Variants in CTNNAL1 observed in about 807,000 individuals in gnomAD.
The protein encoded by CTNNAL1 is alpha-catulin.
Under a neutral mutation model 93.6 loss-of-function variants are expected in CTNNAL1, and 69 were observed. The observed-to-expected ratio is 0.74, with a 90% CI of 0.61 to 0.90. CTNNAL1 has a LOEUF of 0.90. CTNNAL1 is among the 40% of genes least tolerant of loss of function. The pLI is 0.00. For missense variants in CTNNAL1, 836 were observed against 862.0 expected, an observed-to-expected ratio of 0.97 and a Z score of 0.38; for synonymous variants, 286 against 305.4, an observed-to-expected ratio of 0.94 and a Z score of 0.66.
chr9:108,977,825 T>C (rs1831307171), intron 7 of CTNNAL1, among the ~76,000 whole-genome samples: 1 of 152,236 alleles, frequency 6.6e-6, no homozygotes, highest in Non-Finnish European at 1.5e-5. Flanking sequence ...ATGCATAGTC[T>C]ACACTTTCTC....
At chr9:109,003,905 T>C (rs1473815632) in intron 1 of CTNNAL1, among the ~76,000 whole-genome samples, 1 of 152,190 alleles carries the variant, frequency 6.6e-6, no homozygotes, top group Non-Finnish European at 1.5e-5. Flanking sequence ...AGTTCTAAAA[T>C]ATGTCCACAA....
intron 1 of CTNNAL1, among the ~76,000 whole-genome samples, chr9:109,001,188 A>C (rs1179843275): frequency 6.6e-6 from 1 of 151,276 alleles, no homozygotes; most frequent in African/African-American, 2.4e-5. Flanking sequence ...AAAAAAAAAA[A>C]AAAAAGAACT....
chr9:108,954,640 C>T (rs185368429), intron 12 of CTNNAL1, among the ~76,000 whole-genome samples: 2 of 152,254 alleles, frequency 1.3e-5, no homozygotes, highest in African/African-American at 4.8e-5. Flanking sequence ...GCTTAAGGCA[C>T]AAAAACTGTT....
chr9:108,976,816 A>T (rs1233162743), intron 8 of CTNNAL1, 146 bp downstream of exon 8: 1 of 405,596 alleles, frequency 2.5e-6, no homozygotes, highest in Non-Finnish European at 4.4e-6. Context: ...TACGGGCATG[A>T]GCCACCATGC....
intron 4 of CTNNAL1, among the ~76,000 whole-genome samples, chr9:108,985,844 T>G (rs1378781900): frequency 1.3e-5 from 2 of 152,074 alleles, no homozygotes; most frequent in Non-Finnish European, 2.9e-5. Context: ...CCATAGGCTG[T>G]ATGGTGATAA....
Position 108,942,842 on chromosome 9 carries a change from G to T in CTNNAL1, c.2140-8C>A, listed in dbSNP as rs187725035. Reference sequence around the variant, plus strand: ...GTTATTTTCCATCTGAAGCTGGAAAGAGTTAAGACAATTAGTATCTGGTTT... The same window carrying T: ...GTTATTTTCCATCTGAAGCTGGAAATAGTTAAGACAATTAGTATCTGGTTT... On this transcript the variant is annotated splice_polypyrimidine_tract_variant and splice_region_variant and intron_variant, in intron 18 of 18. Coordinates refer to ENST00000325551, the MANE Select transcript of CTNNAL1 (RefSeq NM_003798.4). 1,222 of 1,613,414 alleles carry T rather than the reference G, an allele frequency of 7.6e-4. 2 individuals carry two copies. Among genetic ancestry groups the T allele is most frequent in the Admixed American group, 1.3e-3 (77 of 59,960 alleles).
At position 108,943,663 on chromosome 9, in the gene CTNNAL1, AAAGATAGATG is replaced by A. The variant is rs1830312554; in HGVS notation, c.2055+30_2055+39del. ...GAAGAAAAAGGGGCTTTAACCAGAT[AAAGATAGATG>A]TGTGAAAGTTTTTCATATGTCTCTT... On this transcript the variant is annotated intron_variant, in intron 17 of 18. Transcript: ENST00000325551. 10 of 1,546,472 alleles carry A rather than the reference AAAGATAGATG, an allele frequency of 6.5e-6. No individual in the cohort carries two copies. In the East Asian group the frequency reaches 2.0e-4, roughly 31 times the overall value.
At position 108,952,354 on chromosome 9, in the gene CTNNAL1, T is replaced by C; in HGVS notation, c.1690A>G (p.Lys564Glu). Residue 564 changes from lysine (K) to glutamate (E), a missense_variant, in exon 14 of 19, where the codon AAG (lysine) becomes GAG (glutamate). By Grantham distance (56) the Lys-to-Glu change is moderately conservative. Coordinates refer to ENST00000325551, the MANE Select transcript of CTNNAL1 (RefSeq NM_003798.4). ...PDKPDSEEQA[K>E]IAKLGLKLGL... The stretch of plus-strand genomic sequence containing the variant: ...AGCTTAAGTCCAAGCTTTGCTATCT[T>C]GGCTTGCTCCTATGAAACAGACGTT... 1 of 1,614,182 alleles carries C rather than the reference T, an allele frequency of 6.2e-7. No individual in the cohort carries two copies. The highest frequency in any genetic ancestry group is 8.5e-7 in the Non-Finnish European group (1 of 1,180,022).
intron 1 of CTNNAL1, 128 bp downstream of exon 1, chr9:109,013,174 C>T: frequency 4.1e-6 from 5 of 1,214,930 alleles, no homozygotes; most frequent in Non-Finnish European, 4.3e-6. Flanking sequence ...GGCGGTCCGA[C>T]AAGAACGCCG....
At chr9:108,962,801 T>G (rs1194965587) in intron 11 of CTNNAL1, among the ~76,000 whole-genome samples, 1 of 152,232 alleles carries the variant, frequency 6.6e-6, no homozygotes, top group Non-Finnish European at 1.5e-5. Context: ...TGAATTAACT[T>G]ATTTTATTTA....
At chr9:109,004,514 G>A (rs1222523935) in intron 1 of CTNNAL1, among the ~76,000 whole-genome samples, 8 of 152,232 alleles carry the variant, frequency 5.3e-5, no homozygotes, top group South Asian at 4.1e-4. Flanking sequence ...TTGGCTGGGC[G>A]CAGTGGCTCA....
intron 12 of CTNNAL1, among the ~76,000 whole-genome samples, chr9:108,955,230 C>T (rs1257389640): frequency 6.6e-6 from 1 of 152,154 alleles, no homozygotes; most frequent in Non-Finnish European, 1.5e-5. Flanking sequence ...AGGTAATCCA[C>T]CCACCTCGGC....
intron 8 of CTNNAL1, among the ~76,000 whole-genome samples, chr9:108,974,450 AT>A (rs926662792): frequency 6.6e-6 from 1 of 152,154 alleles, no homozygotes; most frequent in African/African-American, 2.4e-5. Context: ...GTTTAACAGG[AT>A]GTTTAAATGG....
intron 1 of CTNNAL1, among the ~76,000 whole-genome samples, chr9:109,003,251 T>C (rs546706751): frequency 8.5e-5 from 13 of 152,304 alleles, no homozygotes; most frequent in African/African-American, 3.1e-4. Flanking sequence ...AGAGCATATA[T>C]CAAAGAGACT....
intron 1 of CTNNAL1, among the ~76,000 whole-genome samples, chr9:109,008,277 C>T (rs1398977592): frequency 6.6e-6 from 1 of 151,670 alleles, no homozygotes; most frequent in Admixed American, 6.6e-5. Flanking sequence ...TCTGCCCCAG[C>T]CTCCCAAGTA....
chr9:108,984,350 T>C lies in CTNNAL1; in HGVS notation c.726A>G (p.Ser242=), dbSNP rs779509800. Residue 242 remains serine (S), a synonymous_variant, in exon 5 of 19, where the codon TCA becomes TCG. Coordinates refer to ENST00000325551, the MANE Select transcript of CTNNAL1 (RefSeq NM_003798.4). Reference sequence around the variant, plus strand: ...AGTAAAACCAAAATTGTCTTACCTTTGAAGCTGTGAGAAGCATCATTGTAC... The same window carrying C: ...AGTAAAACCAAAATTGTCTTACCTTCGAAGCTGTGAGAAGCATCATTGTAC... ...EKCTMMLLTA[S]KTCLRHPNCE... is the part of the protein sequence containing the mutation. 1 of 1,595,984 alleles carries C rather than the reference T, an allele frequency of 6.3e-7. No homozygotes were observed. Among genetic ancestry groups the C allele is most frequent in the Admixed American group, 1.7e-5 (1 of 59,348 alleles).
At position 109,013,300 on chromosome 9, in the gene CTNNAL1, A is replaced by C; in HGVS notation, c.141+2T>G. ...GAGGGGCCGCGCCAGGCGCCACTTT[A>C]CCTGAGAAACCAGCGGGAGTAGCGT... On this transcript the variant is annotated splice_donor_variant, in intron 1 of 18. Coordinates refer to ENST00000325551, the MANE Select transcript of CTNNAL1 (RefSeq NM_003798.4). LOFTEE classifies it high-confidence loss of function. The C allele has an allele frequency of 2.7e-6, 4 of 1,496,054 alleles. No homozygotes were observed. The highest frequency in any genetic ancestry group is 3.6e-6 in the Non-Finnish European group (4 of 1,122,570). The allele number at this position is 1,496,054 out of a possible 1,614,324, so 92.7% of individuals were successfully genotyped here.
At chr9:108,972,864 G>GGGGGGGGGGCGCCCCCCCCC in intron 8 of CTNNAL1, 31 bp from the exon 9 acceptor site, 6 of 142,576 alleles carry the variant, frequency 4.2e-5, no homozygotes, top group South Asian at 1.2e-4. Context: ...GGGGGGGTGG[G>GGGGGGGGGGCGCCCCCCCCC]AGGGTGGAGA....
At chr9:108,960,410 C>T (rs1170971435) in intron 11 of CTNNAL1, among the ~76,000 whole-genome samples, 7 of 152,298 alleles carry the variant, frequency 4.6e-5, no homozygotes, top group Admixed American at 1.3e-4. Context: ...CCCAAACAAA[C>T]TCATCTTTAC....
Sources: gnomAD v4.1 joint callset for allele counts (sites outside exome capture counted in the v4.1 genomes callset) on GRCh38, gnomAD v4.1.1 for gene constraint, MANE v1.5 for transcripts, NCBI Gene and HGNC (gene_info 2026-07-23, HGNC 2026-07-21) for gene names.